The following FRAS1 variants were observed in gnomAD, a reference collection of about 807,000 sequenced individuals.
FRAS1 encodes Fraser extracellular matrix complex subunit 1.
FRAS1 carries 290 observed loss-of-function variants against 435.2 expected under a neutral mutation model. That is an observed-to-expected ratio of 0.67 (90% CI 0.61 to 0.73). FRAS1 has a LOEUF of 0.73. FRAS1 is among the 30% of genes least tolerant of loss of function. The pLI, the probability that FRAS1 is intolerant of heterozygous loss-of-function variation, is 0.00. For missense variants in FRAS1, 4,860 were observed against 5,001.5 expected, an observed-to-expected ratio of 0.97 and a Z score of 0.85; for synonymous variants, 1,800 against 1,851.0, an observed-to-expected ratio of 0.97 and a Z score of 0.71.
chr4:78,119,137 A>G (rs893860638), intron 2 of FRAS1, among the ~76,000 whole-genome samples: 1 of 152,224 alleles, frequency 6.6e-6, no homozygotes, highest in African/African-American at 2.4e-5. Context: ...TGATCAGATC[A>G]TGGCAATTAG....
At position 78,057,895 on chromosome 4, in the gene FRAS1, C is replaced by A; in HGVS notation, c.-115C>A. ...TCTCTTTTTCCCGGAGGTAAAGGCC[C>A]GCGGTCCCCCACCTTCAGTGCGCCC... On this transcript the variant is annotated 5_prime_UTR_variant, in exon 1 of 74. Transcript: ENST00000512123. The surrounding 1 kb of genome is among the most constrained non-coding windows in gnomAD (Gnocchi z 4.2). 2.3e-6 allele frequency: 2 copies of A among 881,440 alleles called. No homozygotes were observed. Among genetic ancestry groups the A allele is most frequent in the Non-Finnish European group, 3.6e-6 (2 of 550,894 alleles). 54.6% of individuals were successfully genotyped at this position (881,440 alleles called of 1,614,324 possible).
At chr4:78,229,353 C>G (rs746541847) in intron 2 of FRAS1, among the ~76,000 whole-genome samples, 5 of 150,678 alleles carry the variant, frequency 3.3e-5, no homozygotes, top group Non-Finnish European at 7.4e-5. Flanking sequence ...AGGACTAAGC[C>G]TGGCTTTGTG....
intron 14 of FRAS1, among the ~76,000 whole-genome samples, chr4:78,292,013 C>A (rs1378064371): frequency 6.6e-6 from 1 of 152,286 alleles, no homozygotes; most frequent in South Asian, 2.1e-4. Context: ...CTACTTTAAA[C>A]CATTATTATG....
chr4:78,319,575 A>T, intron 18 of FRAS1: 1 of 307,998 alleles, frequency 3.2e-6, no homozygotes, highest in Non-Finnish European at 6.6e-6. Flanking sequence ...CTCTAAAGCT[A>T]CGTGAAAAAA....
At chr4:78,118,113 T>C (rs1202584206) in intron 2 of FRAS1, among the ~76,000 whole-genome samples, 1 of 152,230 alleles carries the variant, frequency 6.6e-6, no homozygotes, top group Non-Finnish European at 1.5e-5. Context: ...CCTCTTTGCC[T>C]GGGTATCAGC....
At chr4:78,305,997 G>T (rs972614266) in intron 14 of FRAS1, among the ~76,000 whole-genome samples, 1 of 151,882 alleles carries the variant, frequency 6.6e-6, no homozygotes, top group African/African-American at 2.4e-5. Flanking sequence ...GCAGTGGCTG[G>T]TACCGGTTGT....
chr4:78,180,858 G>A (rs1721968758), intron 2 of FRAS1: 20 of 1,579,592 alleles, frequency 1.3e-5, no homozygotes, highest in Non-Finnish European at 1.7e-5. Flanking sequence ...TTGTCTTATG[G>A]CATCCAGTTA....
At chr4:78,519,300 T>G in intron 66 of FRAS1, 31 bp from the exon 67 acceptor site, 2 of 1,469,534 alleles carry the variant, frequency 1.4e-6, no homozygotes, top group Admixed American at 5.4e-5. Context: ...AGGGGAGAAA[T>G]AACTCTGTGT....
At chr4:78,278,825 C>G in intron 10 of FRAS1, 81 bp downstream of exon 10, 1 of 843,754 alleles carries the variant, frequency 1.2e-6, no homozygotes, top group Non-Finnish European at 2.0e-6. Flanking sequence ...CTTCTTGTTT[C>G]TTTTGCCCAT....
Position 78,057,851 on chromosome 4 carries a change from G to A in FRAS1, c.-159G>A. 2 of 642,382 alleles carry A rather than the reference G, an allele frequency of 3.1e-6. No homozygotes were observed. Among genetic ancestry groups the A allele is most frequent in the Non-Finnish European group, 2.7e-6 (1 of 368,150 alleles). 39.8% of individuals were successfully genotyped at this position (642,382 alleles called of 1,614,324 possible). A position where few individuals can be genotyped will look rare whatever the true frequency, so the allele number is the denominator to read the frequency against. The stretch of plus-strand genomic sequence containing the variant: ...CTCCGGCGCCTCCGGGCTGATGAGT[G>A]TCGCTCTCCGCCCGTCCATCTCTTT... On this transcript the variant is annotated 5_prime_UTR_variant, in exon 1 of 74. Coordinates refer to ENST00000512123, the MANE Select transcript of FRAS1 (RefSeq NM_025074.7). The surrounding 1 kb of genome is among the most constrained non-coding windows in gnomAD (Gnocchi z 4.2).
At chr4:78,137,806 C>G (rs1054062211) in intron 2 of FRAS1, among the ~76,000 whole-genome samples, 5 of 152,192 alleles carry the variant, frequency 3.3e-5, no homozygotes, top group Non-Finnish European at 7.3e-5. Context: ...TCACCTTGGA[C>G]ACATTACTAA....
At position 78,472,271 on chromosome 4, in the gene FRAS1, AG is replaced by A; in HGVS notation, c.7464del (p.Lys2488AsnfsTer23). ...GTCTATGAGATAACGACGGGCCCTA[AG>A]CATGGCTTTGTGGAGAACAAGCTGC... Reference protein sequence around the residue: ...QLVYEITTGPKHGFVENKLQP... With the variant: ...QLVYEITTGPXHGFVENKLQP... On this transcript the variant is annotated frameshift_variant, in exon 52 of 74. Coordinates refer to ENST00000512123, the MANE Select transcript of FRAS1 (RefSeq NM_025074.7). LOFTEE classifies it high-confidence loss of function. The A allele has an allele frequency of 6.2e-7, 1 of 1,613,550 alleles. No individual in the cohort carries two copies. The highest frequency in any genetic ancestry group is 8.5e-7 in the Non-Finnish European group (1 of 1,179,610).
intron 2 of FRAS1, among the ~76,000 whole-genome samples, chr4:78,161,565 A>G (rs998300156): frequency 3.3e-5 from 5 of 152,112 alleles, no homozygotes; most frequent in Admixed American, 2.6e-4. Flanking sequence ...TTATTTCTAG[A>G]TAAAGTCTTC....
intron 59 of FRAS1, among the ~76,000 whole-genome samples, chr4:78,489,968 CAAAAAAAAAAA>C (rs61568957): frequency 1.1e-5 from 1 of 92,598 alleles, no homozygotes; most frequent in Non-Finnish European, 2.1e-5. Context: ...TAGTGGAAAA[CAAAAAAAAAAA>C]AAAAAAAAGA....
intron 18 of FRAS1, among the ~76,000 whole-genome samples, chr4:78,324,009 T>A (rs1729617797): frequency 6.6e-6 from 1 of 152,168 alleles, no homozygotes; most frequent in African/African-American, 2.4e-5. Context: ...GTGAGGCTGA[T>A]GCTGCTGATC....
chr4:78,183,803 C>T (rs1722151721), intron 2 of FRAS1, among the ~76,000 whole-genome samples: 1 of 145,398 alleles, frequency 6.9e-6, no homozygotes, highest in Non-Finnish European at 1.5e-5. Flanking sequence ...ATACAGAGTT[C>T]TAGAAGGTGG....
At chr4:78,074,893 G>A (rs2109865405) in intron 2 of FRAS1, among the ~76,000 whole-genome samples, 1 of 152,242 alleles carries the variant, frequency 6.6e-6, no homozygotes, top group East Asian at 1.9e-4. Context: ...AGTTCTCTTA[G>A]CCAATGGGGT....
At chr4:78,131,105 C>T (rs2109982917) in intron 2 of FRAS1, among the ~76,000 whole-genome samples, 1 of 152,226 alleles carries the variant, frequency 6.6e-6, no homozygotes, top group South Asian at 2.1e-4. Flanking sequence ...GCCACATTCT[C>T]ATCTGCTTTC....
At chr4:78,210,954 C>G (rs1034284956) in intron 2 of FRAS1, among the ~76,000 whole-genome samples, 3 of 152,146 alleles carry the variant, frequency 2.0e-5, no homozygotes, top group Non-Finnish European at 2.9e-5. Context: ...GCTTCATTTC[C>G]CTTCACTGAG....
Sources: allele counts gnomAD v4.1 joint callset (sites outside exome capture counted in the v4.1 genomes callset), GRCh38; gene constraint gnomAD v4.1.1; non-coding constraint Gnocchi (gnomAD v3.1); transcripts MANE v1.5; gene names NCBI Gene and HGNC (gene_info 2026-07-23, HGNC 2026-07-21).